Variants in SCAMP1 observed in about 807,000 individuals in gnomAD.
SCAMP1 encodes the protein secretory carrier membrane protein 1, also known as secretory carrier-associated membrane protein 1.
SCAMP1 carries 15 observed loss-of-function variants against 41.8 expected under a neutral mutation model. The observed-to-expected ratio is 0.36, with a 90% CI of 0.24 to 0.55. The LOEUF is 0.55. Among genes scored for constraint, SCAMP1 ranks in the 20% least tolerant of loss-of-function variants. The pLI, the probability that SCAMP1 is intolerant of heterozygous loss-of-function variation, is 0.86. For synonymous variants in SCAMP1, 135 were observed against 136.8 expected, an observed-to-expected ratio of 0.99 and a Z score of 0.09; for missense variants, 341 against 412.6, an observed-to-expected ratio of 0.83 and a Z score of 1.50.
At chr5:78,418,068 A>G (rs569748249) in intron 4 of SCAMP1, among the ~76,000 whole-genome samples, 1 of 151,432 alleles carries the variant, frequency 6.6e-6, no homozygotes, top group Non-Finnish European at 1.5e-5. Flanking sequence ...CTTATTTTTA[A>G]TCTGGTTTCT....
At chr5:78,410,988 A>AT (rs1318331247) in intron 2 of SCAMP1, among the ~76,000 whole-genome samples, 5 of 151,008 alleles carry the variant, frequency 3.3e-5, no homozygotes, top group Non-Finnish European at 7.4e-5. Flanking sequence ...TTTTAATGGC[A>AT]TTTTTTTCTT....
rs1754008094 is a variant in SCAMP1 at position 78,476,479 on chromosome 5, T to C, written c.*811T>C. The C allele has an allele frequency of 6.6e-6, 1 of 152,576 alleles. No homozygotes were observed. Among genetic ancestry groups the C allele is most frequent in the South Asian group, 2.1e-4 (1 of 4,834 alleles). 9.5% of individuals were successfully genotyped at this position (152,576 alleles called of 1,614,324 possible). A position where few individuals can be genotyped will look rare whatever the true frequency, so the allele number is the denominator to read the frequency against. ...ATGCAGTAGAAAGTAGTGGTAATAA[T>C]TCCTTTTTAAAAAAATTTCGGTAGT... On this transcript the variant is annotated 3_prime_UTR_variant, in exon 9 of 9. Coordinates refer to ENST00000621999, the MANE Select transcript of SCAMP1 (RefSeq NM_004866.6).
At position 78,360,747 on chromosome 5, in the gene SCAMP1, A is replaced by G; in HGVS notation, c.57+19A>G. 1 of 1,600,570 alleles carries G rather than the reference A, an allele frequency of 6.2e-7. No homozygotes were observed. Among genetic ancestry groups the G allele is most frequent in the Non-Finnish European group, 8.5e-7 (1 of 1,173,944 alleles). On this transcript the variant is annotated intron_variant, in intron 1 of 8. Coordinates refer to ENST00000621999, the MANE Select transcript of SCAMP1 (RefSeq NM_004866.6). The stretch of plus-strand genomic sequence containing the variant: ...CTTCAAGGTGAGCTTCGGCCCCAGC[A>G]TCTCCTGCCGCCGCGACGCGTCGTT...
intron 8 of SCAMP1, among the ~76,000 whole-genome samples, chr5:78,464,668 CA>C (rs34587155): frequency 0.28 from 42,659 of 151,954 alleles, 6,274 homozygotes; most frequent in East Asian, 0.54. Context: ...AGAAGGGCTA[CA>C]TTCAGAAACA....
intron 1 of SCAMP1, among the ~76,000 whole-genome samples, chr5:78,380,853 G>A (rs1751188642): frequency 6.6e-6 from 1 of 152,112 alleles, no homozygotes; most frequent in Admixed American, 6.5e-5. Flanking sequence ...ATCACTTGAG[G>A]CCAGGAGTTC....
At chr5:78,396,209 A>C (rs1298355502) in intron 2 of SCAMP1, among the ~76,000 whole-genome samples, 2 of 152,174 alleles carry the variant, frequency 1.3e-5, no homozygotes, top group African/African-American at 4.8e-5. Context: ...AACCCATAGA[A>C]TGTACAACAC....
intron 7 of SCAMP1, among the ~76,000 whole-genome samples, chr5:78,453,691 A>G (rs1333148005): frequency 6.6e-6 from 1 of 152,052 alleles, no homozygotes; most frequent in African/African-American, 2.4e-5. Context: ...TTCCATATGA[A>G]CTTTAAAGTA....
At chr5:78,360,803 C>G in intron 1 of SCAMP1, 75 bp downstream of exon 1, 3 of 1,419,376 alleles carry the variant, frequency 2.1e-6, no homozygotes, top group Admixed American at 3.9e-5. Flanking sequence ...TCCTTCGCGC[C>G]CACTGCGTCT....
At chr5:78,383,096 C>A (rs1278812247) in intron 1 of SCAMP1, among the ~76,000 whole-genome samples, 1 of 152,106 alleles carries the variant, frequency 6.6e-6, no homozygotes. Flanking sequence ...TTTACCACAT[C>A]CACACAAATA....
chr5:78,418,062 T>C (rs959831176), intron 4 of SCAMP1, among the ~76,000 whole-genome samples: 2 of 152,154 alleles, frequency 1.3e-5, no homozygotes, highest in Non-Finnish European at 2.9e-5. Context: ...TCAAGTCTTA[T>C]TTTTAATCTG....
chr5:78,383,348 A>G (rs1373190726), intron 1 of SCAMP1, among the ~76,000 whole-genome samples: 6 of 152,018 alleles, frequency 3.9e-5, no homozygotes, highest in Admixed American at 3.3e-4. Context: ...CCTTTGTCAA[A>G]TGTATAGATT....
rs184721344 is a variant in SCAMP1, at chr5:78,478,573, T to C, written c.*2905T>C. On this transcript the variant is annotated 3_prime_UTR_variant, in exon 9 of 9. Coordinates refer to ENST00000621999, the MANE Select transcript of SCAMP1 (RefSeq NM_004866.6). ...GATCATCTAGAAGTTAGATTCAAAATGGAAAACCTATTCATGGCTCAGATT... is the reference window on the plus strand; with the variant it reads ...GATCATCTAGAAGTTAGATTCAAAACGGAAAACCTATTCATGGCTCAGATT... The C allele has an allele frequency of 1.5e-3, 234 of 152,304 alleles. 1 individual carries two copies. The highest frequency in any genetic ancestry group is 5.0e-3 in the African/African-American group (208 of 41,598). 9.4% of individuals were successfully genotyped at this position (152,304 alleles called of 1,614,324 possible). A position where few individuals can be genotyped will look rare whatever the true frequency, so the allele number is the denominator to read the frequency against.
In SCAMP1 at chr5:78,449,085, C is replaced by T. The variant is rs576659276; in HGVS notation, c.633-848C>T. Reference sequence around the variant, plus strand: ...AGTTTCTTAAAAAGTTAAACGTATACCTATGATATGTTCCAGCCTTCCCAC... The same window carrying T: ...AGTTTCTTAAAAAGTTAAACGTATATCTATGATATGTTCCAGCCTTCCCAC... On this transcript the variant is annotated intron_variant, in intron 6 of 8. Transcript: ENST00000621999. Among the ~76,000 whole-genome samples the T allele has an allele frequency of 4.3e-4, 65 of 151,840 alleles. 1 individual carries two copies. In the South Asian group the frequency reaches 0.013, roughly 31 times the overall value.
intron 7 of SCAMP1, among the ~76,000 whole-genome samples, chr5:78,450,462 C>T (rs1420057291): frequency 6.6e-6 from 1 of 152,162 alleles, no homozygotes; most frequent in African/African-American, 2.4e-5. Context: ...TACATGGACA[C>T]TTGTCTTTGA....
chr5:78,465,054 T>C (rs1753711125), intron 8 of SCAMP1, among the ~76,000 whole-genome samples: 1 of 152,232 alleles, frequency 6.6e-6, no homozygotes, highest in Non-Finnish European at 1.5e-5. Flanking sequence ...TAGTATTCTT[T>C]CAAGACCCAG....
intron 2 of SCAMP1, among the ~76,000 whole-genome samples, chr5:78,393,577 T>C (rs1009698735): frequency 1.3e-5 from 2 of 152,246 alleles, no homozygotes; most frequent in Non-Finnish European, 2.9e-5. Context: ...GACAGTGTCA[T>C]GAAAGCCTCT....
chr5:78,395,020 T>A (rs1285476981), intron 2 of SCAMP1, among the ~76,000 whole-genome samples: 3 of 152,182 alleles, frequency 2.0e-5, no homozygotes, highest in Admixed American at 2.0e-4. Flanking sequence ...TCAAATCGCT[T>A]TTTATACTGT....
chr5:78,469,904 A>C (rs1580722319), intron 8 of SCAMP1, among the ~76,000 whole-genome samples: 4 of 45,898 alleles, frequency 8.7e-5, no homozygotes, highest in Non-Finnish European at 1.7e-4. Context: ...AAAAAAAAAA[A>C]AAAAAAAACA....
At position 78,469,890 on chromosome 5, in the gene SCAMP1, T is replaced by TAAAAAA. The variant is rs141989832; in HGVS notation, c.853-5597_853-5592dup. ...TACCCTCCAACCCCTTACAAGACAT[T>TAAAAAA]AAAAAAAAAAAAAAAAAAAAAACAA... is the stretch of plus-strand genomic sequence containing the variant. On this transcript the variant is annotated intron_variant, in intron 8 of 8. Coordinates refer to ENST00000621999, the MANE Select transcript of SCAMP1 (RefSeq NM_004866.6). Among the ~76,000 whole-genome samples the TAAAAAA allele has an allele frequency of 1.9e-3, 28 of 15,012 alleles. 2 individuals are homozygous for TAAAAAA. The highest frequency in any genetic ancestry group is 5.5e-3 in the Admixed American group (5 of 914). The allele number at this position is 15,012 out of a possible 152,430, so 9.8% of individuals were successfully genotyped here.
Sources: gnomAD v4.1 joint callset for allele counts (sites outside exome capture counted in the v4.1 genomes callset) on GRCh38, gnomAD v4.1.1 for gene constraint, MANE v1.5 for transcripts, NCBI Gene and HGNC (gene_info 2026-07-23, HGNC 2026-07-21) for gene names.